CCDC126: variants seen among roughly 807,000 people sequenced by gnomAD.
CCDC126 encodes coiled-coil domain-containing protein 126.
A neutral mutation model predicts 11.7 loss-of-function variants in CCDC126; 5 were observed. The observed-to-expected ratio is 0.43, with a 90% CI of 0.22 to 0.90. The LOEUF (loss-of-function observed/expected upper bound fraction) is 0.90. Among genes scored for constraint, CCDC126 ranks in the 40% least tolerant of loss-of-function variants. The pLI is 0.27. For missense variants in CCDC126, 150 were observed against 163.1 expected, an observed-to-expected ratio of 0.92 and a Z score of 0.44; for synonymous variants, 60 against 61.9, an observed-to-expected ratio of 0.97 and a Z score of 0.14.
intron 3 of CCDC126, among the ~76,000 whole-genome samples, chr7:23,630,291 G>A (rs1438338153): frequency 6.6e-6 from 1 of 151,582 alleles, no homozygotes; most frequent in Admixed American, 6.6e-5. Context: ...TTGAGGTCAG[G>A]AGTTCAAGAC....
chr7:23,619,247 G>A (rs1220066030), intron 3 of CCDC126: 8 of 197,828 alleles, frequency 4.0e-5, no homozygotes, highest in Non-Finnish European at 8.1e-5. Flanking sequence ...TAGGTGATGG[G>A]TTGACAGGTG....
intron 2 of CCDC126, among the ~76,000 whole-genome samples, chr7:23,599,307 C>T (rs1159528539): frequency 6.6e-6 from 1 of 152,128 alleles, no homozygotes; most frequent in Non-Finnish European, 1.5e-5. Context: ...TCCTTCAGCT[C>T]CTTCTGCCAA....
intron 3 of CCDC126, 59 bp from the exon 4 acceptor site, chr7:23,642,871 TA>T: frequency 6.8e-7 from 1 of 1,471,192 alleles, no homozygotes; most frequent in Non-Finnish European, 9.4e-7. Flanking sequence ...CTTCAAACTG[TA>T]AAAACACAAA....
chr7:23,615,224 C>T (rs1398020340), intron 3 of CCDC126, among the ~76,000 whole-genome samples: 4 of 152,336 alleles, frequency 2.6e-5, no homozygotes, highest in Non-Finnish European at 5.9e-5. Context: ...TCACCTTGCA[C>T]TTGAATCTTA....
At position 23,642,927 on chromosome 7, in the gene CCDC126, C is replaced by CTAG; in HGVS notation, c.239-3_239-1dup. 1 of 1,612,430 alleles carries CTAG rather than the reference C, an allele frequency of 6.2e-7. No homozygotes were observed. Among genetic ancestry groups the CTAG allele is most frequent in the Non-Finnish European group, 8.5e-7 (1 of 1,178,714 alleles). ...GTTAATTTTATTCTGATTTATTCCC[C>CTAG]TAGCGGATCTGAAAAGAACAATTGC... On this transcript the variant is annotated splice_polypyrimidine_tract_variant and splice_region_variant and intron_variant, in intron 3 of 3. Transcript: ENST00000307471.
chr7:23,626,151 TTTTG>T (rs1289035860), intron 3 of CCDC126, among the ~76,000 whole-genome samples: 1 of 152,098 alleles, frequency 6.6e-6, no homozygotes, highest in African/African-American at 2.4e-5. Flanking sequence ...TTTTGTTGTT[TTTTG>T]TTTGTTTTAC....
chr7:23,627,570 A>G (rs1460225905), intron 3 of CCDC126, among the ~76,000 whole-genome samples: 17 of 131,776 alleles, frequency 1.3e-4, no homozygotes, highest in Non-Finnish European at 2.4e-4. Context: ...TCTGTCTCAG[A>G]AAAAAAAAAA....
chr7:23,642,358 C>T (rs767680082), intron 3 of CCDC126, among the ~76,000 whole-genome samples: 2 of 152,282 alleles, frequency 1.3e-5, no homozygotes, highest in East Asian at 1.9e-4. Context: ...GCGGGACTAA[C>T]ATTTTGAACC....
At position 23,636,634 on chromosome 7, in the gene CCDC126, C is replaced by G. The variant is rs1340437906; in HGVS notation, c.239-6297C>G. Among the ~76,000 whole-genome samples the G allele has an allele frequency of 2.1e-5, 3 of 142,136 alleles. No individual in the cohort carries two copies. In the South Asian group the frequency reaches 6.9e-4, roughly 33 times the overall value. The allele number at this position is 142,136 out of a possible 152,430, so 93.2% of individuals were successfully genotyped here. ...GAAACTCTCTGCCTGGCAACCGCCCCGTCTGAGAAGTGAGGAGCCCCTCCG... is the reference window on the plus strand; with the variant it reads ...GAAACTCTCTGCCTGGCAACCGCCCGGTCTGAGAAGTGAGGAGCCCCTCCG... On this transcript the variant is annotated intron_variant, in intron 3 of 3. Transcript: ENST00000307471.
intron 3 of CCDC126, among the ~76,000 whole-genome samples, chr7:23,633,265 T>G (rs1783147014): frequency 6.6e-6 from 1 of 152,218 alleles, no homozygotes; most frequent in African/African-American, 2.4e-5. Flanking sequence ...GTGCTGGGAT[T>G]ACAGGCGTGA....
In CCDC126 at chr7:23,603,215, C is replaced by T. The variant is rs73077136; in HGVS notation, c.-146+5164C>T. 5.1e-3 allele frequency among the ~76,000 whole-genome samples: 779 copies of T among 152,144 alleles called. 11 individuals are homozygous for T. The highest frequency in any genetic ancestry group is 0.04 in the East Asian group (206 of 5,180). On this transcript the variant is annotated intron_variant, in intron 2 of 3. Transcript: ENST00000307471. ...ATGTTTTTATCTTCTAGTTTTTTGC[C>T]TGTATAAAAACTAACATATAAGACT...
chr7:23,619,894 C>G (rs1439713666), intron 3 of CCDC126, among the ~76,000 whole-genome samples: 2 of 151,924 alleles, frequency 1.3e-5, no homozygotes, highest in East Asian at 3.9e-4. Context: ...ATCCATGTCC[C>G]TACAAAGGAC....
At chr7:23,607,099 C>CAAAAGCA (rs1782636772) in intron 2 of CCDC126, among the ~76,000 whole-genome samples, 4 of 149,436 alleles carry the variant, frequency 2.7e-5, no homozygotes, top group African/African-American at 9.8e-5. Flanking sequence ...GACCCTGTCT[C>CAAAAGCA]AAAAGCAAAA....
intron 3 of CCDC126, among the ~76,000 whole-genome samples, chr7:23,614,295 C>T (rs1782761895): frequency 6.6e-6 from 1 of 152,106 alleles, no homozygotes; most frequent in Admixed American, 6.5e-5. Flanking sequence ...CAGTAGATTC[C>T]ATCTCAAAAA....
chr7:23,636,627 A>G (rs1248772358), intron 3 of CCDC126, among the ~76,000 whole-genome samples: 1 of 123,304 alleles, frequency 8.1e-6, no homozygotes, highest in Non-Finnish European at 1.7e-5. Flanking sequence ...CTGCCTGGCA[A>G]CCGCCCCGTC....
chr7:23,611,626 T>C (rs1286466902), intron 3 of CCDC126, 73 bp downstream of exon 3: 1 of 1,043,272 alleles, frequency 9.6e-7, no homozygotes, highest in East Asian at 2.4e-5. Flanking sequence ...TTGAACTTAT[T>C]ACTTCATGCA....
At chr7:23,634,067 T>G (rs887728299) in intron 3 of CCDC126, among the ~76,000 whole-genome samples, 3 of 152,248 alleles carry the variant, frequency 2.0e-5, no homozygotes, top group Non-Finnish European at 2.9e-5. Context: ...TACAGGTTTA[T>G]CTATTTAGAC....
intron 3 of CCDC126, among the ~76,000 whole-genome samples, chr7:23,638,863 C>CAAAAAAAAAAAAA (rs61374394): frequency 5.5e-5 from 6 of 108,576 alleles, no homozygotes; most frequent in Admixed American, 1.0e-4. Flanking sequence ...AATAAATTAA[C>CAAAAAAAAAAAAA]AAAAAAAAAA....
At chr7:23,621,399 A>G (rs1782895057) in intron 3 of CCDC126, among the ~76,000 whole-genome samples, 1 of 152,166 alleles carries the variant, frequency 6.6e-6, no homozygotes, top group Non-Finnish European at 1.5e-5. Flanking sequence ...TTGGTGTATA[A>G]GAATGCTTGT....
Sources: allele counts gnomAD v4.1 joint callset (sites outside exome capture counted in the v4.1 genomes callset), GRCh38; gene constraint gnomAD v4.1.1; transcripts MANE v1.5; gene names NCBI Gene and HGNC (gene_info 2026-07-23, HGNC 2026-07-21).